SMAP1: variants seen among roughly 807,000 people sequenced by gnomAD.
SMAP1 encodes small ArfGAP 1.
A neutral mutation model predicts 58.5 loss-of-function variants in SMAP1; 24 were observed. That is an observed-to-expected ratio of 0.41 (90% confidence interval 0.30 to 0.58). The LOEUF is 0.58. SMAP1 is among the 20% of genes least tolerant of loss of function. The probability of loss-of-function intolerance (pLI) is 0.29; values close to 1 mark genes in which losing one functional copy is unlikely to be tolerated. For synonymous variants in SMAP1, 216 were observed against 196.6 expected (o/e 1.10, Z -0.82); for missense variants, 563 against 566.3 (o/e 0.99, Z 0.06).
At chr6:70,709,754 G>A (rs1480899106) in intron 1 of SMAP1, among the ~76,000 whole-genome samples, 1 of 152,082 alleles carries the variant, frequency 6.6e-6, no homozygotes, top group Non-Finnish European at 1.5e-5. Context: ...TGTGAAAAAT[G>A]TCATTGGAAT....
At chr6:70,674,541 T>C (rs1766398481) in intron 1 of SMAP1, among the ~76,000 whole-genome samples, 2 of 152,224 alleles carry the variant, frequency 1.3e-5, no homozygotes, top group Admixed American at 1.3e-4. Context: ...TTTGTAGTTA[T>C]TATCAGAAGA....
At chr6:70,817,629 C>G (rs1043322167) in intron 6 of SMAP1, among the ~76,000 whole-genome samples, 1 of 152,062 alleles carries the variant, frequency 6.6e-6, no homozygotes, top group South Asian at 2.1e-4. Context: ...TATTGTTATC[C>G]CCTTTGTGAT....
At chr6:70,780,518 C>T (rs1317247212) in intron 4 of SMAP1, among the ~76,000 whole-genome samples, 1 of 152,084 alleles carries the variant, frequency 6.6e-6, no homozygotes, top group Non-Finnish European at 1.5e-5. Context: ...GAGGTTGAGG[C>T]TTCAGTGAGC....
At chr6:70,841,317 C>G (rs1770796723) in intron 7 of SMAP1, among the ~76,000 whole-genome samples, 1 of 152,192 alleles carries the variant, frequency 6.6e-6, no homozygotes, top group African/African-American at 2.4e-5. Context: ...CACTGCAGAG[C>G]AGCCTGGTTC....
chr6:70,766,666 G>C (rs928916971), intron 3 of SMAP1, among the ~76,000 whole-genome samples: 47 of 152,152 alleles, frequency 3.1e-4, no homozygotes, highest in African/African-American at 1.1e-3. Context: ...AGATGAATAG[G>C]TTGCAAAAAT....
chr6:70,785,671 C>A (rs1399570622), intron 4 of SMAP1, among the ~76,000 whole-genome samples: 1 of 152,198 alleles, frequency 6.6e-6, no homozygotes, highest in Non-Finnish European at 1.5e-5. Context: ...ATACGACAAA[C>A]ACCTCTACGC....
At chr6:70,749,649 T>C (rs1348977183) in intron 2 of SMAP1, among the ~76,000 whole-genome samples, 2 of 151,694 alleles carry the variant, frequency 1.3e-5, no homozygotes, top group African/African-American at 4.8e-5. Context: ...AGTACACATA[T>C]ACAAATTTGT....
At chr6:70,785,721 C>G (rs1343891865) in intron 4 of SMAP1, among the ~76,000 whole-genome samples, 1 of 152,106 alleles carries the variant, frequency 6.6e-6, no homozygotes, top group Admixed American at 6.5e-5. Flanking sequence ...ATAAATTCCT[C>G]GACACATACA....
chr6:70,756,319 T>C (rs1423667848), intron 3 of SMAP1, among the ~76,000 whole-genome samples: 9 of 152,066 alleles, frequency 5.9e-5, no homozygotes, highest in African/African-American at 2.2e-4. Flanking sequence ...CACAGAGATA[T>C]AGGTCATTAT....
chr6:70,762,526 C>T (rs1339406924), intron 3 of SMAP1, among the ~76,000 whole-genome samples: 2 of 152,096 alleles, frequency 1.3e-5, no homozygotes, highest in African/African-American at 2.4e-5. Flanking sequence ...GACATTCTTG[C>T]AGTAGGAGGC....
chr6:70,857,575 C>G, intron 9 of SMAP1: 1 of 248,302 alleles, frequency 4.0e-6, no homozygotes, highest in Non-Finnish European at 7.8e-6. Context: ...GCTCTCACTT[C>G]CCTGTTTCGT....
At chr6:70,712,353 T>G (rs1300466967) in intron 1 of SMAP1, among the ~76,000 whole-genome samples, 1 of 152,238 alleles carries the variant, frequency 6.6e-6, no homozygotes, top group East Asian at 1.9e-4. Context: ...TACTGAAGAT[T>G]TTTGAATGTG....
intron 1 of SMAP1, among the ~76,000 whole-genome samples, chr6:70,704,834 A>T (rs1320760543): frequency 6.6e-6 from 1 of 152,224 alleles, no homozygotes; most frequent in African/African-American, 2.4e-5. Context: ...GCTTCTCCTT[A>T]TATCAAGACT....
At chr6:70,808,135 T>TC (rs1246021705) in intron 6 of SMAP1, among the ~76,000 whole-genome samples, 1 of 152,076 alleles carries the variant, frequency 6.6e-6, no homozygotes, top group Admixed American at 6.6e-5. Flanking sequence ...GAAGAGGAGG[T>TC]GCTGGTCTTC....
At chr6:70,787,510 G>A (rs1241047633) in intron 4 of SMAP1, among the ~76,000 whole-genome samples, 1 of 151,968 alleles carries the variant, frequency 6.6e-6, no homozygotes, top group Non-Finnish European at 1.5e-5. Flanking sequence ...GAGTGAACAG[G>A]CAACCTACAA....
chr6:70,792,436 G>C (rs906023765), intron 5 of SMAP1, among the ~76,000 whole-genome samples: 3 of 111,938 alleles, frequency 2.7e-5, no homozygotes, highest in African/African-American at 6.6e-5. Flanking sequence ...TTGGCTAGAT[G>C]TGTGGTATAC....
At chr6:70,850,554 A>G (rs1196952186) in intron 7 of SMAP1, among the ~76,000 whole-genome samples, 1 of 151,100 alleles carries the variant, frequency 6.6e-6, no homozygotes, top group Non-Finnish European at 1.5e-5. Flanking sequence ...ATAAGTATAT[A>G]TACATTTTAT....
chr6:70,668,203 G>T (rs1581966080), intron 1 of SMAP1, 62 bp downstream of exon 1: 1 of 1,444,226 alleles, frequency 6.9e-7, no homozygotes, highest in Non-Finnish European at 9.6e-7. Context: ...CCTTCCCGCC[G>T]CTGCGGCGCT....
At position 70,756,934 on chromosome 6, in the gene SMAP1, C is replaced by G. The variant is rs1766516167; in HGVS notation, c.338+1869C>G. ...GGAAGAATCAATATCGTGAAAATGG[C>G]CATACTGCCCAAGGTGATTTACAGA... On this transcript the variant is annotated intron_variant, in intron 3 of 10. Coordinates refer to ENST00000370455, the MANE Select transcript of SMAP1 (RefSeq NM_001044305.3). 2.6e-5 allele frequency among the ~76,000 whole-genome samples: 4 copies of G among 152,100 alleles called. No homozygotes were observed. In the South Asian group the frequency reaches 8.3e-4, roughly 32 times the overall value.
Sources: allele counts gnomAD v4.1 joint callset (sites outside exome capture counted in the v4.1 genomes callset), GRCh38; gene constraint gnomAD v4.1.1; transcripts MANE v1.5; gene names NCBI Gene and HGNC (gene_info 2026-07-23, HGNC 2026-07-21).